Variants in MTUS2 observed in about 807,000 individuals in gnomAD.
MTUS2 encodes microtubule associated scaffold protein 2.
A neutral mutation model predicts 114.1 loss-of-function variants in MTUS2; 40 were observed. That is an observed-to-expected ratio of 0.35 (90% CI 0.27 to 0.46). MTUS2 has a LOEUF of 0.46. MTUS2 is among the 20% of genes least tolerant of loss of function. The probability of loss-of-function intolerance (pLI) is 1.00; values close to 1 mark genes in which losing one functional copy is unlikely to be tolerated. For missense variants in MTUS2, 1,679 were observed against 1,705.4 expected (o/e 0.98, Z 0.27); for synonymous variants, 688 against 672.0 (o/e 1.02, Z -0.37).
chr13:28,850,206 A>ACTTTT (rs1555267494), intron 2 of MTUS2, among the ~76,000 whole-genome samples: 2 of 152,226 alleles, frequency 1.3e-5, no homozygotes, highest in Admixed American at 1.3e-4. Flanking sequence ...CTGAAGGAGT[A>ACTTTT]CTTTTATATT....
chr13:29,095,593 T>C (rs1890144884), intron 4 of MTUS2, among the ~76,000 whole-genome samples: 1 of 152,026 alleles, frequency 6.6e-6, no homozygotes, highest in Non-Finnish European at 1.5e-5. Flanking sequence ...TTCTGAAACA[T>C]CCATTCTCTG....
At chr13:28,840,764 A>G (rs1175821491) in intron 2 of MTUS2, among the ~76,000 whole-genome samples, 1 of 152,206 alleles carries the variant, frequency 6.6e-6, no homozygotes, top group Middle Eastern at 3.2e-3. Context: ...AGGTCTGGTC[A>G]TAGAGGACAG....
intron 5 of MTUS2, among the ~76,000 whole-genome samples, chr13:29,197,782 G>A (rs1048381582): frequency 6.6e-6 from 1 of 152,126 alleles, no homozygotes; most frequent in African/African-American, 2.4e-5. Flanking sequence ...TCTCATTGTG[G>A]TTTTGATTTG....
Position 29,503,369 on chromosome 13 carries a change from G to A in MTUS2, c.*163G>A, listed in dbSNP as rs1352350148. ...CTGATCCCCGTGTAAGACTGCCCTG[G>A]TGTCGGCACTTAGGAATGTGTAAAT... On this transcript the variant is annotated 3_prime_UTR_variant, in exon 16 of 16. Transcript: ENST00000612955. 2.8e-6 allele frequency: 2 copies of A among 706,140 alleles called. No homozygotes were observed. The highest frequency in any genetic ancestry group is 2.3e-6 in the Non-Finnish European group (1 of 427,478). 43.7% of individuals were successfully genotyped at this position (706,140 alleles called of 1,614,324 possible). A position where few individuals can be genotyped will look rare whatever the true frequency, so the allele number is the denominator to read the frequency against.
At chr13:29,046,308 G>T (rs1887615866) in intron 4 of MTUS2, among the ~76,000 whole-genome samples, 1 of 151,802 alleles carries the variant, frequency 6.6e-6, no homozygotes, top group Non-Finnish European at 1.5e-5. Context: ...TAGAGATGAG[G>T]TCTCTGTATG....
intron 7 of MTUS2, among the ~76,000 whole-genome samples, chr13:29,331,837 T>C (rs923558716): frequency 1.1e-4 from 17 of 152,192 alleles, no homozygotes; most frequent in Admixed American, 9.8e-4. Context: ...TTGTCATTGG[T>C]TCTGTTTATG....
At chr13:28,891,599 G>A (rs1878927077) in intron 2 of MTUS2, among the ~76,000 whole-genome samples, 1 of 152,042 alleles carries the variant, frequency 6.6e-6, no homozygotes, top group Admixed American at 6.6e-5. Context: ...ATAACAACAG[G>A]CTGGGCACGG....
intron 5 of MTUS2, among the ~76,000 whole-genome samples, chr13:29,274,228 C>G (rs557481662): frequency 4.1e-4 from 63 of 152,182 alleles, no homozygotes; most frequent in African/African-American, 1.5e-3. Context: ...ATTCTCTTGC[C>G]TCAGCCTCCC....
intron 5 of MTUS2, among the ~76,000 whole-genome samples, chr13:29,149,330 G>T (rs768991943): frequency 6.6e-5 from 10 of 152,162 alleles, no homozygotes; most frequent in Non-Finnish European, 1.2e-4. Flanking sequence ...CTTCTTTTGA[G>T]AAGTGTCTGT....
intron 8 of MTUS2, among the ~76,000 whole-genome samples, chr13:29,393,086 C>T (rs1407359418): frequency 1.3e-5 from 2 of 152,216 alleles, no homozygotes; most frequent in Non-Finnish European, 2.9e-5. Flanking sequence ...AAGGTAGCAT[C>T]TCTCAGTACT....
intron 8 of MTUS2, among the ~76,000 whole-genome samples, chr13:29,392,513 C>T (rs151066539): frequency 5.3e-5 from 8 of 152,246 alleles, no homozygotes; most frequent in Admixed American, 2.0e-4. Context: ...ACGGCTCTTG[C>T]CCTGGGGAAA....
intron 9 of MTUS2, among the ~76,000 whole-genome samples, chr13:29,453,555 G>A (rs73444071): frequency 0.075 from 11,470 of 151,930 alleles, 522 homozygotes; most frequent in African/African-American, 0.13. Flanking sequence ...CTGGGAGTTC[G>A]GAGGAGGGTT....
intron 5 of MTUS2, among the ~76,000 whole-genome samples, chr13:29,207,716 G>A (rs935395916): frequency 6.6e-6 from 1 of 152,222 alleles, no homozygotes; most frequent in Non-Finnish European, 1.5e-5. Context: ...TTTATGTGGT[G>A]TATCACATTT....
intron 8 of MTUS2, among the ~76,000 whole-genome samples, chr13:29,375,527 ATATATATATACGTGT>A (rs1566162957): frequency 7.3e-4 from 4 of 5,516 alleles, no homozygotes; most frequent in African/African-American, 1.2e-3. Context: ...ATATATATAT[ATATATATATACGTGT>A]ATATATATAT....
chr13:28,902,589 A>G (rs1879709270), intron 2 of MTUS2, among the ~76,000 whole-genome samples: 1 of 152,050 alleles, frequency 6.6e-6, no homozygotes, highest in African/African-American at 2.4e-5. Context: ...AATTGATACA[A>G]TCTTGCTTCT....
At chr13:29,069,944 G>GA (rs1888837387) in intron 4 of MTUS2, among the ~76,000 whole-genome samples, 1 of 152,064 alleles carries the variant, frequency 6.6e-6, no homozygotes, top group South Asian at 2.1e-4. Flanking sequence ...CTTTCTTCTG[G>GA]ATTTTATAAC....
chr13:29,186,246 A>G (rs575357597), intron 5 of MTUS2, among the ~76,000 whole-genome samples: 54 of 152,344 alleles, frequency 3.5e-4, no homozygotes, highest in African/African-American at 1.3e-3. Flanking sequence ...TAAAGATAGA[A>G]TAACAAAATG....
At chr13:29,205,785 A>G (rs1159304037) in intron 5 of MTUS2, among the ~76,000 whole-genome samples, 2 of 152,192 alleles carry the variant, frequency 1.3e-5, no homozygotes, top group East Asian at 3.8e-4. Context: ...TGTTTGTACC[A>G]TATTTTCTTT....
chr13:29,484,700 C>T lies in MTUS2; in HGVS notation c.3400-3200C>T, dbSNP rs1191083041. ...TCTCTCTCATCCCATGTAGGATGGG[C>T]GCAAATGGGAGTTTAATCTGGTTTG... On this transcript the variant is annotated intron_variant, in intron 10 of 15. Transcript: ENST00000612955. Among the ~76,000 whole-genome samples the T allele has an allele frequency of 2.6e-5, 4 of 152,184 alleles. No individual in the cohort carries two copies. In the South Asian group the frequency reaches 6.2e-4, roughly 24 times the overall value.
Sources: allele counts gnomAD v4.1 joint callset (sites outside exome capture counted in the v4.1 genomes callset), GRCh38; gene constraint gnomAD v4.1.1; transcripts MANE v1.5; gene names NCBI Gene and HGNC (gene_info 2026-07-23, HGNC 2026-07-21).